Variants in PTPRD observed in about 807,000 individuals in gnomAD.
PTPRD encodes the protein receptor-type tyrosine-protein phosphatase delta.
Under a neutral mutation model 214.5 loss-of-function variants are expected in PTPRD, and 34 were observed. The ratio of observed to expected loss-of-function variants is 0.16; its 90% confidence interval spans 0.12 to 0.21. The LOEUF (loss-of-function observed/expected upper bound fraction) is 0.21. PTPRD is among the 10% of genes least tolerant of loss of function. The pLI, the probability that PTPRD is intolerant of heterozygous loss-of-function variation, is 1.00. For synonymous variants in PTPRD, 1,128 were observed against 845.7 expected, an observed-to-expected ratio of 1.33 and a Z score of -5.79; for missense variants, 2,545 against 2,398.7, an observed-to-expected ratio of 1.06 and a Z score of -1.27.
At chr9:8,391,213 T>C (rs940762621) in intron 36 of PTPRD, among the ~76,000 whole-genome samples, 4 of 152,140 alleles carry the variant, frequency 2.6e-5, no homozygotes, top group Non-Finnish European at 4.4e-5. Context: ...CCACTTGCAA[T>C]GACTTTGACT....
At chr9:9,621,016 T>C (rs1325149861) in intron 7 of PTPRD, among the ~76,000 whole-genome samples, 1 of 152,134 alleles carries the variant, frequency 6.6e-6, no homozygotes, top group Non-Finnish European at 1.5e-5. Context: ...CCAATTCCCC[T>C]TGTGTTGGTG....
At chr9:9,394,823 A>G (rs897019706) in intron 9 of PTPRD, among the ~76,000 whole-genome samples, 4 of 152,132 alleles carry the variant, frequency 2.6e-5, no homozygotes, top group African/African-American at 9.6e-5. Flanking sequence ...GATTAAAATC[A>G]TCTGGGATGA....
At chr9:9,395,868 C>T (rs1282893677) in intron 9 of PTPRD, among the ~76,000 whole-genome samples, 1 of 152,114 alleles carries the variant, frequency 6.6e-6, no homozygotes, top group Non-Finnish European at 1.5e-5. Flanking sequence ...TTAGGACTAT[C>T]TACCCCCACA....
chr9:9,315,798 C>T (rs1255849135), intron 9 of PTPRD, among the ~76,000 whole-genome samples: 2 of 137,526 alleles, frequency 1.5e-5, no homozygotes, highest in African/African-American at 5.4e-5. Flanking sequence ...TTTCTTGTTG[C>T]TTCATATAAT....
chr9:9,741,477 A>C (rs1017734963), intron 6 of PTPRD, among the ~76,000 whole-genome samples: 1 of 142,016 alleles, frequency 7.0e-6, no homozygotes. Context: ...GATTATACTT[A>C]TAAGTTCTGG....
intron 4 of PTPRD, among the ~76,000 whole-genome samples, chr9:10,029,702 C>T (rs2097016078): frequency 6.6e-6 from 1 of 152,176 alleles, no homozygotes; most frequent in African/African-American, 2.4e-5. Flanking sequence ...ATTTTACAGG[C>T]TCATAGGCAG....
chr9:9,509,395 C>A (rs2096645643), intron 8 of PTPRD, among the ~76,000 whole-genome samples: 1 of 151,364 alleles, frequency 6.6e-6, no homozygotes, highest in Non-Finnish European at 1.5e-5. Context: ...CTCAGGAAAC[C>A]AGCCAGCAAG....
At chr9:10,071,281 A>C (rs1407856173) in intron 3 of PTPRD, among the ~76,000 whole-genome samples, 1 of 152,024 alleles carries the variant, frequency 6.6e-6, no homozygotes, top group East Asian at 1.9e-4. Context: ...TGATTGTAAA[A>C]TTTATGTGGA....
intron 43 of PTPRD, among the ~76,000 whole-genome samples, chr9:8,338,295 A>C (rs1403205102): frequency 6.6e-6 from 1 of 152,080 alleles, no homozygotes; most frequent in African/African-American, 2.4e-5. Flanking sequence ...AACATCTTAC[A>C]TCAGGGCTGA....
At chr9:9,770,216 C>G (rs530293558) in intron 5 of PTPRD, among the ~76,000 whole-genome samples, 78 of 152,278 alleles carry the variant, frequency 5.1e-4, no homozygotes, top group Non-Finnish European at 9.4e-4. Context: ...CTAATTTACA[C>G]TCACACCAAA....
Position 8,521,280 on chromosome 9 carries a change from T to C in PTPRD, c.958A>G (p.Lys320Glu), listed in dbSNP as rs1006660472. 3.7e-6 allele frequency: 6 copies of C among 1,611,400 alleles called. No individual in the cohort carries two copies. The highest frequency in any genetic ancestry group is 5.1e-6 in the Non-Finnish European group (6 of 1,178,456). Residue 320 changes from lysine to glutamate, a missense_variant, in exon 20 of 46, where the codon AAA becomes GAA. Coordinates refer to ENST00000381196, the MANE Select transcript of PTPRD (RefSeq NM_002839.4). Reference sequence around the variant, plus strand: ...AAGCATAATCCATTGAGCATACCTTTGACAGTGATCTGTGCTATTGCTTCA... The same window carrying C: ...AAGCATAATCCATTGAGCATACCTTCGACAGTGATCTGTGCTATTGCTTCA... The part of the protein sequence containing the change: ...VIEAIAQITV[K>E]ALPKPPGTPV...
At chr9:8,448,612 G>C (rs2095826192) in intron 34 of PTPRD, among the ~76,000 whole-genome samples, 1 of 152,084 alleles carries the variant, frequency 6.6e-6, no homozygotes, top group Admixed American at 6.5e-5. Flanking sequence ...CCTCATATGA[G>C]TTAGAATTTT....
chr9:9,974,279 A>G (rs2095268631), intron 4 of PTPRD, among the ~76,000 whole-genome samples: 1 of 152,216 alleles, frequency 6.6e-6, no homozygotes, highest in Non-Finnish European at 1.5e-5. Flanking sequence ...ACCACCAGGT[A>G]AATACATTTA....
At chr9:9,945,016 G>A (rs999291817) in intron 4 of PTPRD, among the ~76,000 whole-genome samples, 1 of 152,102 alleles carries the variant, frequency 6.6e-6, no homozygotes, top group Non-Finnish European at 1.5e-5. Context: ...GAGGTAGCTA[G>A]AATATGGATT....
intron 9 of PTPRD, among the ~76,000 whole-genome samples, chr9:9,212,931 G>C (rs1476953835): frequency 6.6e-6 from 1 of 152,158 alleles, no homozygotes; most frequent in Admixed American, 6.6e-5. Flanking sequence ...GTTTATCACT[G>C]TAACTTATGG....
At chr9:10,236,014 T>G (rs952820374) in intron 3 of PTPRD, among the ~76,000 whole-genome samples, 1 of 151,920 alleles carries the variant, frequency 6.6e-6, no homozygotes, top group African/African-American at 2.4e-5. Flanking sequence ...TGTGATGTAA[T>G]GTGGATTTAC....
At chr9:8,691,911 C>G (rs573942121) in intron 12 of PTPRD, among the ~76,000 whole-genome samples, 1 of 152,242 alleles carries the variant, frequency 6.6e-6, no homozygotes, top group African/African-American at 2.4e-5. Flanking sequence ...TAGTGCCATT[C>G]AACTCATAAT....
chr9:9,576,453 G>A (rs1253723877), intron 7 of PTPRD, among the ~76,000 whole-genome samples: 1 of 151,992 alleles, frequency 6.6e-6, no homozygotes, highest in African/African-American at 2.4e-5. Context: ...CCAGGAGCAA[G>A]GATAGAGATG....
intron 14 of PTPRD, among the ~76,000 whole-genome samples, chr9:8,551,198 C>T (rs1225908800): frequency 6.6e-6 from 1 of 152,138 alleles, no homozygotes; most frequent in Non-Finnish European, 1.5e-5. Flanking sequence ...GTGACTTTAA[C>T]CTCCGTAGGC....
Sources: allele counts gnomAD v4.1 joint callset (sites outside exome capture counted in the v4.1 genomes callset), GRCh38; gene constraint gnomAD v4.1.1; transcripts MANE v1.5; gene names NCBI Gene and HGNC (gene_info 2026-07-23, HGNC 2026-07-21).